Variants in BRF1 observed in about 807,000 individuals in gnomAD.
BRF1 encodes the protein transcription factor IIIB 90 kDa subunit.
In BRF1, 59 loss-of-function variants were observed where a neutral mutation model predicts 81.7. That is an observed-to-expected ratio of 0.72 (90% CI 0.59 to 0.90). The LOEUF is 0.90. Among genes scored for constraint, BRF1 ranks in the 40% least tolerant of loss-of-function variants. BRF1 has a pLI of 0.00. For synonymous variants in BRF1, 491 were observed against 395.6 expected (o/e 1.24, Z -2.86); for missense variants, 1,050 against 936.3 (o/e 1.12, Z -1.58).
At chr14:105,216,493 G>C (rs1268048122) in intron 15 of BRF1, among the ~76,000 whole-genome samples, 1 of 152,216 alleles carries the variant, frequency 6.6e-6, no homozygotes, top group Admixed American at 6.5e-5. Context: ...GGAGGAGACA[G>C]CCCATGCGGC....
chr14:105,229,475 G>A (rs758655382), intron 6 of BRF1, among the ~76,000 whole-genome samples: 1 of 152,224 alleles, frequency 6.6e-6, no homozygotes, highest in Non-Finnish European at 1.5e-5. Context: ...GGGCCCGGAT[G>A]AGGAGTGAGG....
rs962708921 is a variant in BRF1 at position 105,300,425 on chromosome 14, G to C, written c.184+21C>G. 19 of 1,508,692 alleles carry C rather than the reference G, an allele frequency of 1.3e-5. No individual in the cohort carries two copies. The African/African-American group carries it at 2.7e-4, about 22-fold the overall frequency. The allele number at this position is 1,508,692 out of a possible 1,614,324, so 93.5% of individuals were successfully genotyped here. A position where few individuals can be genotyped will look rare whatever the true frequency, so the allele number is the denominator to read the frequency against. ...TAAGCCGCACCGAGAAATCCGCGCA[G>C]CGCCAGCCCGCGGGACTCACCGTCC... On this transcript the variant is annotated intron_variant, in intron 1 of 17. Transcript: ENST00000547530.
At position 105,216,525 on chromosome 14, in the gene BRF1, C is replaced by T. The variant is rs3784222; in HGVS notation, c.1772+1019G>A. 9.5e-3 allele frequency among the ~76,000 whole-genome samples: 1,454 copies of T among 152,276 alleles called. 50 individuals are homozygous for T. Among genetic ancestry groups the T allele is most frequent in the Admixed American group, 0.065 (988 of 15,302 alleles). The stretch of plus-strand genomic sequence containing the variant: ...CGGCCCTCCTGAGGGGCTGAGACGC[C>T]GGCTGAGAAGCACCAGCCTGCCAGG... On this transcript the variant is annotated intron_variant, in intron 15 of 17. Transcript: ENST00000547530.
intron 12 of BRF1, chr14:105,219,618 A>C: frequency 4.8e-6 from 2 of 414,314 alleles, no homozygotes; most frequent in Non-Finnish European, 4.3e-6. Context: ...GTGGCCATGA[A>C]ATCAGGGAAG....
chr14:105,249,608 C>G, intron 5 of BRF1: 2 of 1,589,772 alleles, frequency 1.3e-6, no homozygotes, highest in Non-Finnish European at 1.7e-6. Flanking sequence ...TGCTTGGGAG[C>G]CAGCCCCTGA....
At chr14:105,261,833 C>T (rs2056170686) in intron 3 of BRF1, among the ~76,000 whole-genome samples, 1 of 152,232 alleles carries the variant, frequency 6.6e-6, no homozygotes, top group African/African-American at 2.4e-5. Flanking sequence ...GCCCACACGG[C>T]GTGAGGACCA....
chr14:105,315,096 G>A lies in BRF1; in HGVS notation c.-162+226C>T, dbSNP rs2058511436. The A allele has an allele frequency of 9.9e-6, 10 of 1,014,534 alleles. No individual in the cohort carries two copies. Among genetic ancestry groups the A allele is most frequent in the African/African-American group, 1.7e-5 (1 of 57,348 alleles). The allele number at this position is 1,014,534 out of a possible 1,614,324, so 62.8% of individuals were successfully genotyped here. A position where few individuals can be genotyped will look rare whatever the true frequency, so the allele number is the denominator to read the frequency against. On this transcript the variant is annotated intron_variant, in intron 1 of 17. Transcript: ENST00000327359. This position sits in a 1 kb window ranked among gnomAD's most constrained non-coding sequence, Gnocchi z 4.4. The stretch of plus-strand genomic sequence containing the variant: ...GGCACCTGCTGGGGGTGTCCTGGCC[G>A]CGGCCTCTGCGCGCCCCATCCCCGG...
chr14:105,250,787 G>T, intron 5 of BRF1: 2 of 1,119,516 alleles, frequency 1.8e-6, no homozygotes, highest in South Asian at 3.2e-5. Context: ...TTGACATGTA[G>T]TCAGCTGAAG....
chr14:105,217,693 G>A lies in BRF1; in HGVS notation c.1623C>T (p.Ser541=), dbSNP rs142294214. The A allele has an allele frequency of 6.3e-5, 101 of 1,613,232 alleles. No homozygotes were observed. Among genetic ancestry groups the A allele is most frequent in the Non-Finnish European group, 8.2e-5 (97 of 1,180,030 alleles). ...QKKISSKINY[S]VLRGLSSAGG... is the part of the protein sequence containing the mutation. ...CGGCGCTGCTGAGGCCCCGGAGCAC[G>A]CTATAATTGATCTTGCTGGAGATCT... Residue 541 remains serine (S), a synonymous_variant, in exon 15 of 18, where the codon AGC becomes AGT. Transcript: ENST00000547530.
In BRF1 at chr14:105,210,307, C is replaced by T; in HGVS notation, c.*244G>A. 1.8e-6 allele frequency: 1 copy of T among 549,140 alleles called. No individual in the cohort carries two copies. The highest frequency in any genetic ancestry group is 3.3e-6 in the Non-Finnish European group (1 of 304,408). 34.0% of individuals were successfully genotyped at this position (549,140 alleles called of 1,614,324 possible). On this transcript the variant is annotated 3_prime_UTR_variant, in exon 18 of 18. Coordinates refer to ENST00000547530, the MANE Select transcript of BRF1 (RefSeq NM_001519.4). The surrounding 1 kb of genome is among the most constrained non-coding windows in gnomAD (Gnocchi z 4.7). The stretch of plus-strand genomic sequence containing the variant: ...GTCGACGGCAGGCAGCGGGACCCAG[C>T]CCTGCACACACCCGGCCCACATCTG...
intron 3 of BRF1, among the ~76,000 whole-genome samples, chr14:105,257,071 C>T (rs1225227960): frequency 2.0e-5 from 3 of 152,066 alleles, no homozygotes; most frequent in Non-Finnish European, 4.4e-5. Context: ...AGCCTGCAGG[C>T]GCCACTGGGG....
intron 6 of BRF1, 27 bp from the exon 7 acceptor site, chr14:105,228,940 C>G (rs375108043): frequency 3.0e-5 from 49 of 1,608,892 alleles, no homozygotes; most frequent in South Asian, 2.0e-4. Context: ...CGGGCCTCGT[C>G]AACCACGGCT....
chr14:105,219,120 C>T (rs755134434), intron 13 of BRF1, 31 bp downstream of exon 13: 3 of 1,613,562 alleles, frequency 1.9e-6, no homozygotes, highest in Non-Finnish European at 1.7e-6. Flanking sequence ...ACTGTGCGTC[C>T]TGCGTGTGAG....
At chr14:105,253,187 G>A (rs587725410) in intron 4 of BRF1, among the ~76,000 whole-genome samples, 87 of 152,334 alleles carry the variant, frequency 5.7e-4, no homozygotes, top group African/African-American at 2.0e-3. Flanking sequence ...CTTGTCCTCA[G>A]CAAAACAAGG....
At chr14:105,256,250 AC>A in intron 4 of BRF1, 1 of 1,542,334 alleles carries the variant, frequency 6.5e-7, no homozygotes, top group Non-Finnish European at 8.7e-7. Flanking sequence ...TTCACTGTTC[AC>A]CCAGGCCTAG....
chr14:105,223,494 G>A (rs1892622668), intron 10 of BRF1, among the ~76,000 whole-genome samples: 3 of 80,716 alleles, frequency 3.7e-5, no homozygotes, highest in African/African-American at 2.7e-4. Context: ...ACACAAATGA[G>A]CAAACCATTG....
At chr14:105,297,457 C>A (rs1459138557) in intron 1 of BRF1, among the ~76,000 whole-genome samples, 1 of 152,006 alleles carries the variant, frequency 6.6e-6, no homozygotes, top group Non-Finnish European at 1.5e-5. Flanking sequence ...GCAGTCCCAG[C>A]TACTCAGAAG....
intron 10 of BRF1, among the ~76,000 whole-genome samples, chr14:105,223,295 T>A (rs1892575148): frequency 6.6e-6 from 1 of 151,992 alleles, no homozygotes; most frequent in Admixed American, 6.6e-5. Flanking sequence ...CAAGGACTTG[T>A]ACACGAGTGT....
intron 8 of BRF1, 70 bp from the exon 9 acceptor site, chr14:105,226,360 G>A (rs12883636): frequency 1.9e-4 from 311 of 1,597,178 alleles, no homozygotes; most frequent in Middle Eastern, 3.3e-4. Flanking sequence ...CTGGGGTGCC[G>A]CGTGGGCCCC....
Sources: allele counts gnomAD v4.1 joint callset (sites outside exome capture counted in the v4.1 genomes callset), GRCh38; gene constraint gnomAD v4.1.1; non-coding constraint Gnocchi (gnomAD v3.1); transcripts MANE v1.5; gene names NCBI Gene and HGNC (gene_info 2026-07-23, HGNC 2026-07-21).